Variants in MKX observed in about 807,000 individuals in gnomAD.
MKX encodes the protein homeobox protein Mohawk.
In MKX, 13 loss-of-function variants were observed where a neutral mutation model predicts 36.0. The ratio of observed to expected loss-of-function variants is 0.36; its 90% CI spans 0.24 to 0.57. MKX has a LOEUF of 0.57. MKX is among the 20% of genes least tolerant of loss of function. The probability of loss-of-function intolerance (pLI) is 0.79; values close to 1 mark genes in which losing one functional copy is unlikely to be tolerated. For synonymous variants in MKX, 176 were observed against 178.3 expected, an observed-to-expected ratio of 0.99 and a Z score of 0.10; for missense variants, 458 against 456.4, an observed-to-expected ratio of 1.00 and a Z score of -0.03.
In MKX at chr10:27,711,499, T is replaced by TCTCTCCCTTCC. The variant is rs1554772224; in HGVS notation, c.838+22956_838+22957insGGAAGGGAGAG. 8.9e-4 allele frequency among the ~76,000 whole-genome samples: 83 copies of TCTCTCCCTTCC among 93,058 alleles called. 3 individuals carry two copies. The highest frequency in any genetic ancestry group is 4.0e-3 in the African/African-American group (78 of 19,298). 61.0% of individuals were successfully genotyped at this position (93,058 alleles called of 152,430 possible). On this transcript the variant is annotated intron_variant, in intron 5 of 6. Coordinates refer to ENST00000419761, the MANE Select transcript of MKX (RefSeq NM_173576.3). ...TCTTTCTTTCTCTCTCTCTCTCTTC[T>TCTCTCCCTTCC]TTCCTTCCTTCCTTCCTTCCTTCCT...
intron 6 of MKX, 24 bp from the exon 7 acceptor site, chr10:27,675,439 TAAACGATC>T (rs769550971): frequency 6.2e-7 from 1 of 1,614,068 alleles, no homozygotes; most frequent in South Asian, 1.1e-5. Flanking sequence ...AAACAGAAAG[TAAACGATC>T]AAACTCACTG....
chr10:27,705,398 A>G (rs1259869078), intron 5 of MKX, among the ~76,000 whole-genome samples: 3 of 152,132 alleles, frequency 2.0e-5, no homozygotes, highest in Non-Finnish European at 4.4e-5. Context: ...TCTGTCACCC[A>G]AGCTGGAGTG....
intron 3 of MKX, among the ~76,000 whole-genome samples, chr10:27,737,462 T>A (rs1471715331): frequency 6.6e-6 from 1 of 152,144 alleles, no homozygotes; most frequent in Non-Finnish European, 1.5e-5. Flanking sequence ...GCCAAAAACA[T>A]GCTGTGTGAA....
chr10:27,734,706 C>T lies in MKX; in HGVS notation c.588G>A (p.Ser196=), dbSNP rs143892033. ...VHHPVIKSEN[S]VIKAGVRPES... is the part of the protein sequence containing the mutation. ...CTGGCCTCACTCCCGCTTTGATGAC[C>T]GAATTCTCACTTTTAATCACAGGAT... The change falls in exon 5 of 7, where the codon TCG becomes TCA. Residue 196 remains serine (S), a synonymous_variant. Transcript: ENST00000419761. The T allele has an allele frequency of 1.5e-5, 25 of 1,613,918 alleles. No individual in the cohort carries two copies. Among genetic ancestry groups the T allele is most frequent in the Admixed American group, 5.0e-5 (3 of 59,988 alleles).
chr10:27,675,557 G>A lies in MKX; in HGVS notation c.839-3C>T, dbSNP rs1220604043. ...ATTGGATCCGTTTTCCAGAGTGTCT[G>A]TAAAGAAAAGCAAAAATTCAATTAT... On this transcript the variant is annotated splice_region_variant and splice_polypyrimidine_tract_variant and intron_variant, in intron 5 of 6. Transcript: ENST00000419761. 1.2e-6 allele frequency: 2 copies of A among 1,612,902 alleles called. No homozygotes were observed. The highest frequency in any genetic ancestry group is 1.7e-6 in the Non-Finnish European group (2 of 1,179,562).
At chr10:27,734,398 G>T in intron 5 of MKX, 58 bp downstream of exon 5, 1 of 1,443,228 alleles carries the variant, frequency 6.9e-7, no homozygotes, top group Non-Finnish European at 9.6e-7. Flanking sequence ...CTCTGATGCA[G>T]TTTTAATTGT....
intron 5 of MKX, chr10:27,718,508 A>AT: frequency 2.7e-6 from 1 of 371,626 alleles, no homozygotes; most frequent in Non-Finnish European, 5.4e-6. Flanking sequence ...CTTGAAGGAA[A>AT]TATTGGCAAG....
rs572787042 is a variant in MKX at position 27,744,977 on chromosome 10, C to T, written c.-83+730G>A. The T allele has an allele frequency of 4.6e-5, 7 of 152,400 alleles. No individual in the cohort carries two copies. Among genetic ancestry groups the T allele is most frequent in the African/African-American group, 1.7e-4 (7 of 41,558 alleles). The allele number at this position is 152,400 out of a possible 1,614,324, so 9.4% of individuals were successfully genotyped here. A position where few individuals can be genotyped will look rare whatever the true frequency, so the allele number is the denominator to read the frequency against. Reference sequence around the variant, plus strand: ...CGTGCCTGGGGTGTGCACATAGCCTCGGTGATAAGTGTCAAAGAGAATTTT... The same window carrying T: ...CGTGCCTGGGGTGTGCACATAGCCTTGGTGATAAGTGTCAAAGAGAATTTT... On this transcript the variant is annotated intron_variant, in intron 1 of 6. Transcript: ENST00000419761. The surrounding 1 kb of genome is among the most constrained non-coding windows in gnomAD (Gnocchi z 5.6).
intron 5 of MKX, among the ~76,000 whole-genome samples, chr10:27,695,452 C>T (rs1836537699): frequency 6.6e-6 from 1 of 151,540 alleles, no homozygotes; most frequent in African/African-American, 2.4e-5. Flanking sequence ...AAAAAAATCT[C>T]ATATTTTCCA....
chr10:27,696,349 C>G (rs954431994), intron 5 of MKX, among the ~76,000 whole-genome samples: 3 of 152,132 alleles, frequency 2.0e-5, no homozygotes, highest in African/African-American at 7.2e-5. Flanking sequence ...CAATAACATT[C>G]AATGAGCTGC....
Position 27,743,451 on chromosome 10 carries a change from G to T in MKX, c.-36C>A. ...GGTAGGGACGCGCGGCGCGGCCGCAGAGCCTCGGGGCTGGGCCGCCGGGAG... is the reference window on the plus strand; with the variant it reads ...GGTAGGGACGCGCGGCGCGGCCGCATAGCCTCGGGGCTGGGCCGCCGGGAG... On this transcript the variant is annotated 5_prime_UTR_variant, in exon 2 of 7. It adds an upstream start codon to the 5' untranslated region. Coordinates refer to ENST00000419761, the MANE Select transcript of MKX (RefSeq NM_173576.3). 6.7e-7 allele frequency: 1 copy of T among 1,499,036 alleles called. No individual in the cohort carries two copies. Among genetic ancestry groups the T allele is most frequent in the Non-Finnish European group, 8.9e-7 (1 of 1,128,434 alleles). 92.9% of individuals were successfully genotyped at this position (1,499,036 alleles called of 1,614,324 possible).
intron 5 of MKX, among the ~76,000 whole-genome samples, chr10:27,686,986 A>C (rs1353533653): frequency 6.7e-6 from 1 of 148,826 alleles, no homozygotes; most frequent in African/African-American, 2.4e-5. Flanking sequence ...CTAGAGAATA[A>C]AAATTAAAAG....
chr10:27,679,189 G>T (rs187779020), intron 5 of MKX, among the ~76,000 whole-genome samples: 1 of 152,280 alleles, frequency 6.6e-6, no homozygotes, highest in Non-Finnish European at 1.5e-5. Flanking sequence ...GTTGATGAGT[G>T]TAGCAAACCA....
chr10:27,737,790 T>C (rs1834811251), intron 3 of MKX, among the ~76,000 whole-genome samples: 1 of 152,138 alleles, frequency 6.6e-6, no homozygotes, highest in Non-Finnish European at 1.5e-5. Flanking sequence ...CAATGGGATA[T>C]AATTCAGACT....
intron 5 of MKX, among the ~76,000 whole-genome samples, chr10:27,729,363 G>A (rs905970626): frequency 3.6e-4 from 50 of 139,418 alleles, no homozygotes; most frequent in African/African-American, 1.2e-3. Context: ...GCATGATCTC[G>A]TGATCTCGGC....
In MKX at chr10:27,743,492, C is replaced by G; in HGVS notation, c.-77G>C. 1 of 1,407,834 alleles carries G rather than the reference C, an allele frequency of 7.1e-7. No individual in the cohort carries two copies. Among genetic ancestry groups the G allele is most frequent in the Non-Finnish European group, 9.4e-7 (1 of 1,065,830 alleles). The allele number at this position is 1,407,834 out of a possible 1,614,324, so 87.2% of individuals were successfully genotyped here. ...CCGCCGGGAGCTCCGCAGCGGGGCT[C>G]GGCTTCTAGGAGAGGAAGGTGCATC... On this transcript the variant is annotated 5_prime_UTR_variant, in exon 2 of 7. Coordinates refer to ENST00000419761, the MANE Select transcript of MKX (RefSeq NM_173576.3).
intron 5 of MKX, among the ~76,000 whole-genome samples, chr10:27,712,220 C>T (rs1836886142): frequency 6.6e-6 from 1 of 152,226 alleles, no homozygotes; most frequent in Non-Finnish European, 1.5e-5. Context: ...ATTCCCATTG[C>T]TGTCTTCGAA....
intron 5 of MKX, among the ~76,000 whole-genome samples, chr10:27,701,206 C>A (rs527726014): frequency 7.9e-5 from 12 of 152,120 alleles, no homozygotes; most frequent in African/African-American, 2.9e-4. Flanking sequence ...AGTGATGACA[C>A]TGCTACTGTT....
intron 5 of MKX, among the ~76,000 whole-genome samples, chr10:27,726,595 C>T (rs1834493952): frequency 6.6e-6 from 1 of 151,852 alleles, no homozygotes; most frequent in African/African-American, 2.4e-5. Flanking sequence ...CATTTTTCAT[C>T]CTTGCATTTC....
Sources: gnomAD v4.1 joint callset for allele counts (sites outside exome capture counted in the v4.1 genomes callset) on GRCh38, gnomAD v4.1.1 for gene constraint, Gnocchi (gnomAD v3.1) non-coding constraint, MANE v1.5 for transcripts, NCBI Gene and HGNC (gene_info 2026-07-23, HGNC 2026-07-21) for gene names.